Variants in CHCHD6 observed in about 807,000 individuals in gnomAD.
The protein encoded by CHCHD6 is MICOS complex subunit MIC25.
Under a neutral mutation model 32.3 loss-of-function variants are expected in CHCHD6, and 28 were observed. That is an observed-to-expected ratio of 0.87 (90% confidence interval 0.64 to 1.19). The LOEUF is 1.19. Among genes scored for constraint, CHCHD6 ranks in the 50% most tolerant of loss-of-function variants. The pLI, the probability that CHCHD6 is intolerant of heterozygous loss-of-function variation, is 0.00. For missense variants in CHCHD6, 333 were observed against 307.0 expected (o/e 1.08, Z -0.63); for synonymous variants, 122 against 117.5 (o/e 1.04, Z -0.25).
intron 5 of CHCHD6, among the ~76,000 whole-genome samples, chr3:126,864,545 A>ACCT (rs922012066): frequency 1.8e-5 from 2 of 112,160 alleles, no homozygotes; most frequent in African/African-American, 3.5e-5. Flanking sequence ...CTCCTTCTCC[A>ACCT]CCTCCTCCTC....
At chr3:126,879,146 C>T (rs549360694) in intron 5 of CHCHD6, among the ~76,000 whole-genome samples, 1 of 152,272 alleles carries the variant, frequency 6.6e-6, no homozygotes, top group African/African-American at 2.4e-5. Context: ...GCAGTCTAGC[C>T]TTGTTGATTG....
At chr3:126,799,209 T>C (rs567321018) in intron 4 of CHCHD6, among the ~76,000 whole-genome samples, 4 of 152,208 alleles carry the variant, frequency 2.6e-5, no homozygotes, top group African/African-American at 9.6e-5. Context: ...AATAAAAAGG[T>C]GTTGAACAAG....
intron 6 of CHCHD6, among the ~76,000 whole-genome samples, chr3:126,931,754 T>C (rs2078409907): frequency 6.6e-6 from 1 of 152,208 alleles, no homozygotes; most frequent in African/African-American, 2.4e-5. Flanking sequence ...ACCAGGAGAA[T>C]TGGTATCTTA....
At chr3:126,768,850 C>G (rs2107675924) in intron 4 of CHCHD6, among the ~76,000 whole-genome samples, 1 of 152,140 alleles carries the variant, frequency 6.6e-6, no homozygotes, top group South Asian at 2.1e-4. Flanking sequence ...TGCTCATTGG[C>G]TGCATGTATG....
chr3:126,745,528 C>T (rs374762986), intron 4 of CHCHD6, among the ~76,000 whole-genome samples: 4 of 152,172 alleles, frequency 2.6e-5, no homozygotes, highest in Non-Finnish European at 2.9e-5. Context: ...AGGAGCTACA[C>T]GGGTGACTAA....
chr3:126,740,757 C>T (rs1262391996), intron 4 of CHCHD6, among the ~76,000 whole-genome samples: 1 of 152,168 alleles, frequency 6.6e-6, no homozygotes. Context: ...GTGAGGCCTC[C>T]TGGGTTCCCA....
At chr3:126,919,259 ATT>A (rs1466390369) in intron 6 of CHCHD6, among the ~76,000 whole-genome samples, 1 of 142,182 alleles carries the variant, frequency 7.0e-6, no homozygotes, top group East Asian at 2.1e-4. Context: ...TTACAGATTT[ATT>A]GTTTTTTTCT....
chr3:126,951,116 C>T (rs1290992199), intron 6 of CHCHD6, among the ~76,000 whole-genome samples: 2 of 152,178 alleles, frequency 1.3e-5, no homozygotes, highest in Non-Finnish European at 2.9e-5. Flanking sequence ...GGGCTGTTCT[C>T]ATGATGGTGA....
chr3:126,936,260 GGTGATGCTGCCCTTGCA>G (rs2078479093), intron 6 of CHCHD6, among the ~76,000 whole-genome samples: 1 of 152,128 alleles, frequency 6.6e-6, no homozygotes, highest in East Asian at 1.9e-4. Flanking sequence ...GTAGAGGGGT[GGTGATGCTGCCCTTGCA>G]GAGCGAAGGG....
chr3:126,843,435 T>A (rs970749288), intron 4 of CHCHD6, among the ~76,000 whole-genome samples: 1 of 152,190 alleles, frequency 6.6e-6, no homozygotes, highest in Non-Finnish European at 1.5e-5. Flanking sequence ...TCTTAGAAGT[T>A]GTATGATTTC....
chr3:126,932,188 CT>C (rs1442660024), intron 6 of CHCHD6, among the ~76,000 whole-genome samples: 2 of 152,196 alleles, frequency 1.3e-5, no homozygotes, highest in Non-Finnish European at 2.9e-5. Flanking sequence ...CGTAGCACCT[CT>C]CGGTAGCCCT....
intron 5 of CHCHD6, among the ~76,000 whole-genome samples, chr3:126,864,965 CCACCTCCATCAT>C (rs1413128693): frequency 6.6e-6 from 1 of 151,060 alleles, no homozygotes; most frequent in African/African-American, 2.4e-5. Context: ...TCCTCCATCA[CCACCTCCATCAT>C]CACCACTACC....
At chr3:126,879,831 G>T (rs1485249772) in intron 5 of CHCHD6, among the ~76,000 whole-genome samples, 1 of 152,220 alleles carries the variant, frequency 6.6e-6, no homozygotes, top group Non-Finnish European at 1.5e-5. Context: ...GCTTAGAGAT[G>T]AATTGTCGTA....
chr3:126,815,616 C>T (rs1234375018), intron 4 of CHCHD6, among the ~76,000 whole-genome samples: 1 of 150,646 alleles, frequency 6.6e-6, no homozygotes, highest in African/African-American at 2.4e-5. Context: ...TCTAGTCTAG[C>T]CCTTGCTGTT....
intron 4 of CHCHD6, among the ~76,000 whole-genome samples, chr3:126,840,420 A>G (rs940815523): frequency 1.3e-5 from 2 of 152,218 alleles, no homozygotes; most frequent in African/African-American, 4.8e-5. Flanking sequence ...CTAAAAACAC[A>G]TTTTAGAAAG....
At chr3:126,771,688 A>G (rs776181218) in intron 4 of CHCHD6, among the ~76,000 whole-genome samples, 1 of 151,752 alleles carries the variant, frequency 6.6e-6, no homozygotes, top group South Asian at 2.1e-4. Context: ...CTTTGGGGCT[A>G]TTTTGCTCTT....
At chr3:126,714,976 A>G (rs1356289156) in intron 1 of CHCHD6, among the ~76,000 whole-genome samples, 1 of 152,168 alleles carries the variant, frequency 6.6e-6, no homozygotes. Flanking sequence ...AAATGTGCCT[A>G]GGTAGTTAAC....
At chr3:126,746,720 G>T (rs1244040388) in intron 4 of CHCHD6, among the ~76,000 whole-genome samples, 2 of 152,220 alleles carry the variant, frequency 1.3e-5, no homozygotes, top group Non-Finnish European at 2.9e-5. Flanking sequence ...GCTTTCGATA[G>T]CCTATTGTGT....
chr3:126,825,867 A>G (rs998665193), intron 4 of CHCHD6, among the ~76,000 whole-genome samples: 1 of 152,206 alleles, frequency 6.6e-6, no homozygotes, highest in East Asian at 1.9e-4. Flanking sequence ...TACCATTTCC[A>G]GAACGATGCA....
Sources: gnomAD v4.1 joint callset for allele counts (sites outside exome capture counted in the v4.1 genomes callset) on GRCh38, gnomAD v4.1.1 for gene constraint, MANE v1.5 for transcripts, NCBI Gene and HGNC (gene_info 2026-07-23, HGNC 2026-07-21) for gene names.